CCND3: variants seen among roughly 807,000 people sequenced by gnomAD.
The protein encoded by CCND3 is G1/S-specific cyclin-D3.
Under a neutral mutation model 28.7 loss-of-function variants are expected in CCND3, and 9 were observed. The ratio of observed to expected loss-of-function variants is 0.31; its 90% CI spans 0.19 to 0.55. The LOEUF is 0.55. CCND3 is among the 20% of genes least tolerant of loss of function. The pLI, the probability that CCND3 is intolerant of heterozygous loss-of-function variation, is 0.93. For synonymous variants in CCND3, 164 were observed against 163.9 expected (o/e 1.00, Z 0.00); for missense variants, 315 against 385.8 (o/e 0.82, Z 1.54).
intron 1 of CCND3, among the ~76,000 whole-genome samples, chr6:41,954,193 G>A (rs1415823387): frequency 7.1e-6 from 1 of 141,046 alleles, no homozygotes; most frequent in Non-Finnish European, 1.5e-5. Context: ...GGAGGTTGTG[G>A]TAAGCTGAGA....
At chr6:41,994,635 C>T (rs1001988549) in intron 1 of CCND3, among the ~76,000 whole-genome samples, 3 of 152,218 alleles carry the variant, frequency 2.0e-5, no homozygotes, top group South Asian at 2.1e-4. Flanking sequence ...AATATATCAA[C>T]GTAGGTTCAT....
chr6:42,013,883 C>T (rs571246921), intron 1 of CCND3, among the ~76,000 whole-genome samples: 3 of 151,684 alleles, frequency 2.0e-5, no homozygotes, highest in African/African-American at 7.3e-5. Flanking sequence ...ATCATCCTGG[C>T]TAATATGGTA....
chr6:41,946,955 C>T (rs1408116106), intron 1 of CCND3, among the ~76,000 whole-genome samples: 2 of 151,996 alleles, frequency 1.3e-5, no homozygotes, highest in African/African-American at 4.8e-5. Context: ...TGCAGTGGCT[C>T]ACACCTGTAA....
intron 1 of CCND3, among the ~76,000 whole-genome samples, chr6:41,970,069 G>A (rs938729855): frequency 7.9e-5 from 12 of 152,138 alleles, no homozygotes; most frequent in South Asian, 4.1e-4. Context: ...GGCCAGGCGC[G>A]GTGGCTCACT....
At chr6:42,018,853 T>A (rs1382233483) in intron 1 of CCND3, among the ~76,000 whole-genome samples, 1 of 147,940 alleles carries the variant, frequency 6.8e-6, no homozygotes, top group Non-Finnish European at 1.5e-5. Flanking sequence ...ATCGTGCCAT[T>A]GTACTCCAGC....
chr6:41,999,159 G>A (rs1762910131), intron 1 of CCND3, among the ~76,000 whole-genome samples: 1 of 152,170 alleles, frequency 6.6e-6, no homozygotes, highest in Non-Finnish European at 1.5e-5. Context: ...GCTGGGCATG[G>A]TGGCTGAGAT....
chr6:42,021,280 T>C (rs1333755348), intron 1 of CCND3, among the ~76,000 whole-genome samples: 1 of 152,250 alleles, frequency 6.6e-6, no homozygotes, highest in African/African-American at 2.4e-5. Context: ...AGTCTGGTAC[T>C]ATCCGCTGTT....
intron 1 of CCND3, among the ~76,000 whole-genome samples, chr6:41,997,589 G>A (rs1424510953): frequency 6.6e-6 from 1 of 152,054 alleles, no homozygotes; most frequent in Non-Finnish European, 1.5e-5. Flanking sequence ...AAGCCAAAGT[G>A]GGAGCTCAAA....
chr6:42,039,985 G>T (rs1764322333), intron 1 of CCND3, among the ~76,000 whole-genome samples: 1 of 152,254 alleles, frequency 6.6e-6, no homozygotes, highest in South Asian at 2.1e-4. Flanking sequence ...CAGGCAGTCA[G>T]GGGCCTACCA....
At chr6:41,986,698 GATC>G (rs1383737669) in intron 1 of CCND3, among the ~76,000 whole-genome samples, 3 of 151,816 alleles carry the variant, frequency 2.0e-5, no homozygotes, top group Non-Finnish European at 4.4e-5. Context: ...TTTAATATAC[GATC>G]ATGTCATCTG....
rs1244938617 is a variant in CCND3 at position 41,935,845 on chromosome 6, T to A, written c.*95A>T. 1 of 1,215,632 alleles carries A rather than the reference T, an allele frequency of 8.2e-7. No individual in the cohort carries two copies. The highest frequency in any genetic ancestry group is 2.5e-5 in the East Asian group (1 of 39,534). 75.3% of individuals were successfully genotyped at this position (1,215,632 alleles called of 1,614,324 possible). On this transcript the variant is annotated 3_prime_UTR_variant, in exon 5 of 5. Coordinates refer to ENST00000372991, the MANE Select transcript of CCND3 (RefSeq NM_001760.5). ...TTGTGAAGGGGGAACAGACGCCCCT[T>A]CAGGCTTAGATGTGGTGTGGTTCCT...
intron 1 of CCND3, among the ~76,000 whole-genome samples, chr6:41,964,372 ATG>A (rs59443874): frequency 2.6e-4 from 36 of 139,314 alleles, no homozygotes; most frequent in Middle Eastern, 3.8e-3. Context: ...GTATGTGTGA[ATG>A]TGTGTGAGTG....
chr6:41,935,911 A>G lies in CCND3; in HGVS notation c.*29T>C. 1 of 1,589,640 alleles carries G rather than the reference A, an allele frequency of 6.3e-7. No homozygotes were observed. On this transcript the variant is annotated 3_prime_UTR_variant, in exon 5 of 5. Coordinates refer to ENST00000372991, the MANE Select transcript of CCND3 (RefSeq NM_001760.5). ...GGTGGCAGCGGCCCCTCCTCTGCTT[A>G]GTGGCCACTCCAGAGGGCCTCTCCA...
chr6:41,979,626 T>C (rs1204363781), intron 1 of CCND3, among the ~76,000 whole-genome samples: 1 of 1,594 alleles, frequency 6.3e-4, no homozygotes, highest in Admixed American at 7.9e-3. Context: ...TCTCTGTCTC[T>C]CTCTCTCTCT....
intron 1 of CCND3, among the ~76,000 whole-genome samples, chr6:42,022,695 C>T (rs1011491516): frequency 2.6e-5 from 4 of 152,198 alleles, no homozygotes; most frequent in Non-Finnish European, 5.9e-5. Flanking sequence ...TGTGTCATCC[C>T]GCCTTCCTTT....
At chr6:41,995,971 G>A (rs1031360088) in intron 1 of CCND3, among the ~76,000 whole-genome samples, 1 of 151,086 alleles carries the variant, frequency 6.6e-6, no homozygotes, top group African/African-American at 2.4e-5. Flanking sequence ...TAAATGTACA[G>A]AGAACAGAAA....
At chr6:41,948,121 C>T (rs1302863129) in intron 1 of CCND3, among the ~76,000 whole-genome samples, 1 of 145,624 alleles carries the variant, frequency 6.9e-6, no homozygotes, top group African/African-American at 2.4e-5. Flanking sequence ...CTCTTACAGC[C>T]TTTCCTGGCC....
intron 1 of CCND3, among the ~76,000 whole-genome samples, chr6:42,014,091 C>G (rs1291652302): frequency 6.7e-6 from 1 of 149,578 alleles, no homozygotes; most frequent in East Asian, 2.0e-4. Flanking sequence ...CAAGGCCGGG[C>G]GCAGTGGCTC....
At chr6:41,955,127 C>A (rs1776406560) in intron 1 of CCND3, among the ~76,000 whole-genome samples, 1 of 152,166 alleles carries the variant, frequency 6.6e-6, no homozygotes, top group South Asian at 2.1e-4. Context: ...AGCAAACAGG[C>A]AGCATTCTCC....
Sources: allele counts gnomAD v4.1 joint callset (sites outside exome capture counted in the v4.1 genomes callset), GRCh38; gene constraint gnomAD v4.1.1; transcripts MANE v1.5; gene names NCBI Gene and HGNC (gene_info 2026-07-23, HGNC 2026-07-21).